TMEM116: variants seen among roughly 807,000 people sequenced by gnomAD.
The protein encoded by TMEM116 is transmembrane protein 116.
Under a neutral mutation model 44.3 loss-of-function variants are expected in TMEM116, and 38 were observed. The observed-to-expected ratio is 0.86, with a 90% CI of 0.66 to 1.12. The LOEUF (loss-of-function observed/expected upper bound fraction) is 1.12. Among genes scored for constraint, TMEM116 ranks in the 50% most tolerant of loss-of-function variants. The pLI is 0.00. For missense variants in TMEM116, 354 were observed against 401.7 expected, an observed-to-expected ratio of 0.88 and a Z score of 1.01; for synonymous variants, 132 against 144.8, an observed-to-expected ratio of 0.91 and a Z score of 0.64.
chr12:111,987,646 C>T lies in TMEM116; in HGVS notation c.210+4112G>A, dbSNP rs151136195. Among the ~76,000 whole-genome samples, 20 of 152,136 alleles carry T rather than the reference C, an allele frequency of 1.3e-4. No homozygotes were observed. In the East Asian group the frequency reaches 3.9e-3, roughly 29 times the overall value. Reference sequence around the variant, plus strand: ...GCAAATCAAAAGCACAATGAGATACCACTTTATACCCATTAGGATGGCTAT... The same window carrying T: ...GCAAATCAAAAGCACAATGAGATACTACTTTATACCCATTAGGATGGCTAT... On this transcript the variant is annotated intron_variant, in intron 4 of 10. Transcript: ENST00000552374.
At chr12:112,005,593 G>T in intron 1 of TMEM116, 1 of 669,214 alleles carries the variant, frequency 1.5e-6, no homozygotes, top group East Asian at 9.8e-5. Flanking sequence ...CAGGCACTGA[G>T]GCTCATACCT....
At chr12:112,013,175 C>T (rs911622328), upstream of TMEM116, 2 of 406,704 alleles carry the variant, frequency 4.9e-6, no homozygotes, top group Non-Finnish European at 4.4e-6. Flanking sequence ...TGGGCGGACC[C>T]GCCGGAAGAC....
chr12:111,975,793 TA>T (rs60287859), intron 4 of TMEM116, among the ~76,000 whole-genome samples: 3 of 148,836 alleles, frequency 2.0e-5, no homozygotes, highest in Non-Finnish European at 3.0e-5. Flanking sequence ...AGGGATACTT[TA>T]AAAAAAAAAC....
intron 2 of TMEM116, 83 bp from the exon 3 acceptor site, chr12:112,003,946 AC>A: frequency 7.1e-7 from 1 of 1,413,300 alleles, no homozygotes; most frequent in Non-Finnish European, 9.1e-7. Context: ...GGTTTTTTTT[AC>A]AGTTTTATTG....
chr12:111,975,185 C>T (rs570020993), intron 4 of TMEM116, among the ~76,000 whole-genome samples: 4 of 152,354 alleles, frequency 2.6e-5, no homozygotes, highest in East Asian at 3.9e-4. Context: ...TGCTCTCCTA[C>T]CCAGGCTGGA....
intron 4 of TMEM116, among the ~76,000 whole-genome samples, chr12:111,963,006 T>C (rs2074705470): frequency 1.3e-5 from 2 of 152,110 alleles, no homozygotes; most frequent in African/African-American, 4.8e-5. Context: ...GCAAAGGATA[T>C]GAACAGACAC....
chr12:111,974,435 A>T (rs1192854375), intron 4 of TMEM116, among the ~76,000 whole-genome samples: 1 of 152,074 alleles, frequency 6.6e-6, no homozygotes, highest in Non-Finnish European at 1.5e-5. Flanking sequence ...TTGAGGTTTG[A>T]GGTCAGGAGT....
chr12:111,992,064 A>G (rs972299496), intron 3 of TMEM116, among the ~76,000 whole-genome samples, 175 bp from the exon 4 acceptor site: 1 of 152,196 alleles, frequency 6.6e-6, no homozygotes, highest in African/African-American at 2.4e-5. Context: ...GAAGGAATCT[A>G]TAACCACTAT....
At chr12:112,003,607 G>T in intron 3 of TMEM116, 193 bp downstream of exon 3, 1 of 603,204 alleles carries the variant, frequency 1.7e-6, no homozygotes, top group Non-Finnish European at 2.6e-6. Context: ...AGAATTCAAA[G>T]TTATAGCTAA....
intron 2 of TMEM116, 118 bp from the exon 3 acceptor site, chr12:112,003,981 G>A (rs1244804811): frequency 6.7e-6 from 9 of 1,346,714 alleles, no homozygotes; most frequent in Non-Finnish European, 7.6e-6. Flanking sequence ...AAAATAAACT[G>A]CATTAAAAAA....
chr12:111,964,751 G>C (rs2074869533), intron 4 of TMEM116, among the ~76,000 whole-genome samples: 1 of 152,124 alleles, frequency 6.6e-6, no homozygotes, highest in African/African-American at 2.4e-5. Flanking sequence ...GTAGTAGTGT[G>C]ATCGCAACTC....
At chr12:111,957,728 G>A (rs898859392) in intron 4 of TMEM116, among the ~76,000 whole-genome samples, 1 of 151,960 alleles carries the variant, frequency 6.6e-6, no homozygotes, top group African/African-American at 2.4e-5. Context: ...GCCCCGTCTG[G>A]GAAGGGAGGA....
Position 111,936,846 on chromosome 12 carries a change from A to G in TMEM116, c.450-16T>C. On this transcript the variant is annotated splice_polypyrimidine_tract_variant and intron_variant, in intron 7 of 10. Transcript: ENST00000552374. Reference sequence around the variant, plus strand: ...CAAGATACACCTAGGAAGAAAATCAATAAACAGGAGTACTACTACAGATGT... The same window carrying G: ...CAAGATACACCTAGGAAGAAAATCAGTAAACAGGAGTACTACTACAGATGT... 6.3e-7 allele frequency: 1 copy of G among 1,579,588 alleles called. No individual in the cohort carries two copies. The highest frequency in any genetic ancestry group is 8.6e-7 in the Non-Finnish European group (1 of 1,165,202).
At chr12:112,009,925 G>A (rs1036724578) in intron 1 of TMEM116, among the ~76,000 whole-genome samples, 1 of 151,952 alleles carries the variant, frequency 6.6e-6, no homozygotes, top group African/African-American at 2.4e-5. Flanking sequence ...TACTAACTAG[G>A]TATAACCGAA....
At chr12:111,955,712 C>T (rs745474831) in intron 4 of TMEM116, among the ~76,000 whole-genome samples, 5 of 152,204 alleles carry the variant, frequency 3.3e-5, no homozygotes, top group Non-Finnish European at 7.3e-5. Flanking sequence ...TTTCGGTCAA[C>T]AGCAGACCGC....
At chr12:111,946,797 C>A (rs774844574) in intron 4 of TMEM116, among the ~76,000 whole-genome samples, 2 of 152,180 alleles carry the variant, frequency 1.3e-5, no homozygotes, top group African/African-American at 2.4e-5. Context: ...GATTAAAACC[C>A]ATTTATGCCT....
At chr12:111,971,717 G>GT (rs1210005829) in intron 4 of TMEM116, among the ~76,000 whole-genome samples, 1 of 152,006 alleles carries the variant, frequency 6.6e-6, no homozygotes, top group African/African-American at 2.4e-5. Context: ...GACTGGAATA[G>GT]TAAGACCTAA....
At chr12:111,994,163 C>G (rs1281673314) in intron 3 of TMEM116, among the ~76,000 whole-genome samples, 1 of 152,076 alleles carries the variant, frequency 6.6e-6, no homozygotes, top group Admixed American at 6.5e-5. Context: ...TTGTCTATTC[C>G]TGATATAATT....
chr12:111,939,221 G>A (rs1215141956), intron 5 of TMEM116, among the ~76,000 whole-genome samples: 2 of 151,906 alleles, frequency 1.3e-5, no homozygotes, highest in African/African-American at 2.4e-5. Flanking sequence ...ATGGGAGGCC[G>A]AGACAGGTGG....
Sources: allele counts gnomAD v4.1 joint callset (sites outside exome capture counted in the v4.1 genomes callset), GRCh38; gene constraint gnomAD v4.1.1; transcripts MANE v1.5; gene names NCBI Gene and HGNC (gene_info 2026-07-23, HGNC 2026-07-21).